RBKS: variants seen among roughly 807,000 people sequenced by gnomAD.
RBKS encodes ribokinase.
Under a neutral mutation model 33.9 loss-of-function variants are expected in RBKS, and 33 were observed. The observed-to-expected ratio is 0.97, with a 90% CI of 0.74 to 1.30. RBKS has a LOEUF of 1.30. Ranked by LOEUF, RBKS falls within the 50% of genes most tolerant of loss-of-function variation. RBKS has a pLI of 0.00. For synonymous variants in RBKS, 125 were observed against 143.0 expected, an observed-to-expected ratio of 0.87 and a Z score of 0.90; for missense variants, 361 against 392.6, an observed-to-expected ratio of 0.92 and a Z score of 0.68.
rs1200881924 is a variant in RBKS at position 27,810,953 on chromosome 2, G to A, written c.795+16614C>T. On this transcript the variant is annotated intron_variant, in intron 7 of 7. Coordinates refer to ENST00000302188, the MANE Select transcript of RBKS (RefSeq NM_022128.3). The surrounding 1 kb of genome is among the most constrained non-coding windows in gnomAD (Gnocchi z 4.4). ...ATGGCTCCCCATTGCCCTCAGAAGT[G>A]TGAATTCTCAGAAGTGGCAAAGGAA... Among the ~76,000 whole-genome samples, 3 of 152,210 alleles carry A rather than the reference G, an allele frequency of 2.0e-5. No homozygotes were observed. Among genetic ancestry groups the A allele is most frequent in the Non-Finnish European group, 2.9e-5 (2 of 68,036 alleles).
chr2:27,836,231 A>C (rs374116295), intron 5 of RBKS, among the ~76,000 whole-genome samples: 10 of 152,288 alleles, frequency 6.6e-5, no homozygotes, highest in East Asian at 5.8e-4. Context: ...ACTACTACTA[A>C]TAATAGTATC....
intron 7 of RBKS, among the ~76,000 whole-genome samples, chr2:27,812,982 C>G (rs911598854): frequency 6.7e-6 from 1 of 149,432 alleles, no homozygotes; most frequent in Non-Finnish European, 1.5e-5. Context: ...TGCTGTAGTA[C>G]ATTTTAACAA....
intron 7 of RBKS, among the ~76,000 whole-genome samples, chr2:27,806,079 T>G (rs1175282091): frequency 2.0e-5 from 3 of 151,870 alleles, no homozygotes; most frequent in Non-Finnish European, 4.4e-5. Context: ...AGTCAGGGTT[T>G]TGCCACGTTG....
chr2:27,875,942 C>T lies in RBKS; in HGVS notation c.89+14315G>A, dbSNP rs530173454. 1.4e-4 allele frequency among the ~76,000 whole-genome samples: 21 copies of T among 150,720 alleles called. 1 individual carries two copies. In the East Asian group the frequency reaches 1.6e-3, roughly 11 times the overall value. On this transcript the variant is annotated intron_variant, in intron 1 of 7. Coordinates refer to ENST00000302188, the MANE Select transcript of RBKS (RefSeq NM_022128.3). ...TAAAAGAGGGATTACAAATGGGAGACGAAACAAAAAAAATAGGCTAAACTG... is the reference window on the plus strand; with the variant it reads ...TAAAAGAGGGATTACAAATGGGAGATGAAACAAAAAAAATAGGCTAAACTG...
At chr2:27,791,617 C>T (rs1423083280) in intron 7 of RBKS, among the ~76,000 whole-genome samples, 1 of 148,410 alleles carries the variant, frequency 6.7e-6, no homozygotes, top group Non-Finnish European at 1.5e-5. Context: ...TAAATCTACA[C>T]ACACACACAC....
intron 1 of RBKS, among the ~76,000 whole-genome samples, chr2:27,880,195 T>G (rs1280287988): frequency 7.9e-5 from 12 of 152,178 alleles, no homozygotes; most frequent in Admixed American, 7.9e-4. Flanking sequence ...TCAATAGTTG[T>G]AGAAAAGGCT....
At chr2:27,791,939 C>G (rs1022876817) in intron 7 of RBKS, among the ~76,000 whole-genome samples, 2 of 151,924 alleles carry the variant, frequency 1.3e-5, no homozygotes, top group African/African-American at 4.8e-5. Flanking sequence ...GAATCATGTA[C>G]TGAAAATGGG....
intron 2 of RBKS, among the ~76,000 whole-genome samples, chr2:27,853,649 T>A (rs1201149585): frequency 6.6e-6 from 1 of 152,010 alleles, no homozygotes; most frequent in Non-Finnish European, 1.5e-5. Context: ...CAGAGTGAGA[T>A]CCTGTCTCAG....
chr2:27,827,028 A>G (rs746137749), intron 7 of RBKS, among the ~76,000 whole-genome samples: 5 of 152,262 alleles, frequency 3.3e-5, no homozygotes, highest in African/African-American at 4.8e-5. Flanking sequence ...GATGTATGCA[A>G]AAGAGACACA....
chr2:27,881,988 A>T (rs1365273734), intron 1 of RBKS, among the ~76,000 whole-genome samples: 1 of 152,226 alleles, frequency 6.6e-6, no homozygotes, highest in Non-Finnish European at 1.5e-5. Flanking sequence ...AGGCAATACC[A>T]CTCTGGACAT....
rs1382498726 is a variant in RBKS, at chr2:27,840,230, C to T, written c.514+2837G>A. 3.3e-5 allele frequency among the ~76,000 whole-genome samples: 5 copies of T among 151,362 alleles called. No individual in the cohort carries two copies. The East Asian group carries it at 9.9e-4, about 30-fold the overall frequency. On this transcript the variant is annotated intron_variant, in intron 5 of 7. Transcript: ENST00000302188. ...AGAGATGGGGTTTCACCGTGTTAGC[C>T]AGGATGGTCTCGATCTCTTGACCTC...
rs528706974 is a variant in RBKS, at chr2:27,812,823, T to G, written c.795+14744A>C. 1.7e-3 allele frequency among the ~76,000 whole-genome samples: 253 copies of G among 151,954 alleles called. 1 individual carries two copies. The highest frequency in any genetic ancestry group is 5.9e-3 in the African/African-American group (244 of 41,412). On this transcript the variant is annotated intron_variant, in intron 7 of 7. Coordinates refer to ENST00000302188, the MANE Select transcript of RBKS (RefSeq NM_022128.3). ...TATACATACGTAACAAACCTGCACA[T>G]TGTGCACATGTAACCTAGAACTTAA...
chr2:27,799,266 A>G (rs1677728080), intron 7 of RBKS, among the ~76,000 whole-genome samples: 1 of 152,238 alleles, frequency 6.6e-6, no homozygotes, highest in African/African-American at 2.4e-5. Flanking sequence ...TCTCCAAGGT[A>G]AGATCTTGTC....
intron 1 of RBKS, among the ~76,000 whole-genome samples, chr2:27,889,549 G>T (rs1664658251): frequency 6.6e-6 from 1 of 152,082 alleles, no homozygotes; most frequent in Non-Finnish European, 1.5e-5. Flanking sequence ...AGAAAAATCA[G>T]AAGGATCTGT....
chr2:27,859,649 G>A (rs1003579957), intron 1 of RBKS, among the ~76,000 whole-genome samples: 5 of 152,228 alleles, frequency 3.3e-5, no homozygotes, highest in Non-Finnish European at 7.3e-5. Flanking sequence ...GCTGGCCACA[G>A]AGAAGTGGGC....
At chr2:27,850,212 A>G (rs1025171589) in intron 2 of RBKS, among the ~76,000 whole-genome samples, 1 of 152,198 alleles carries the variant, frequency 6.6e-6, no homozygotes, top group Non-Finnish European at 1.5e-5. Context: ...AAGAGAGTAG[A>G]AAGTACAGAG....
intron 7 of RBKS, among the ~76,000 whole-genome samples, chr2:27,797,371 C>T (rs570832806): frequency 1.3e-5 from 2 of 152,318 alleles, no homozygotes; most frequent in South Asian, 4.1e-4. Flanking sequence ...CAGACGCCAG[C>T]AGCAACCCTG....
chr2:27,834,755 T>C (rs1370982037), intron 5 of RBKS, among the ~76,000 whole-genome samples: 2 of 152,166 alleles, frequency 1.3e-5, no homozygotes, highest in Non-Finnish European at 2.9e-5. Flanking sequence ...TTCATCAGCA[T>C]TTGAGCACAG....
At position 27,890,165 on chromosome 2, in the gene RBKS, G is replaced by A. The variant is rs1463500964; in HGVS notation, c.89+92C>T. 4 of 1,207,738 alleles carry A rather than the reference G, an allele frequency of 3.3e-6. No homozygotes were observed. In the African/African-American group the frequency reaches 6.0e-5, roughly 18 times the overall value. 74.8% of individuals were successfully genotyped at this position (1,207,738 alleles called of 1,614,324 possible). A position where few individuals can be genotyped will look rare whatever the true frequency, so the allele number is the denominator to read the frequency against. On this transcript the variant is annotated intron_variant, in intron 1 of 7. Coordinates refer to ENST00000302188, the MANE Select transcript of RBKS (RefSeq NM_022128.3). This position sits in a 1 kb window ranked among gnomAD's most constrained non-coding sequence, Gnocchi z 4.8. ...CCAAAGCTAGCACTGTCTATCCCTG[G>A]AGACCCAGCGCCCAAAAGCTCCACT...
Sources: gnomAD v4.1 joint callset for allele counts (sites outside exome capture counted in the v4.1 genomes callset) on GRCh38, gnomAD v4.1.1 for gene constraint, Gnocchi (gnomAD v3.1) non-coding constraint, MANE v1.5 for transcripts, NCBI Gene and HGNC (gene_info 2026-07-23, HGNC 2026-07-21) for gene names.